MOAP1: variants seen among roughly 807,000 people sequenced by gnomAD.
The protein encoded by MOAP1 is modulator of apoptosis 1, also known as MAP1.
For missense variants in MOAP1, 385 were observed against 418.6 expected (o/e 0.92, Z 0.70); for synonymous variants, 150 against 161.0 (o/e 0.93, Z 0.52).
In MOAP1 at chr14:93,183,297, C is replaced by T. The variant is rs755544953; in HGVS notation, c.946G>A (p.Asp316Asn). Residue 316 changes from aspartate (D) to asparagine (N), a missense_variant, in exon 3 of 3, where the codon GAT (aspartate) becomes AAT (asparagine). Asp to Asn is a conservative substitution (Grantham distance 23). Transcript: ENST00000298894. Reference protein sequence around the residue: ...TIRRELNLPEDGPAPGFLQLL... With the variant: ...TIRRELNLPENGPAPGFLQLL... Reference sequence around the variant, plus strand: ...TGCAAGAAACCAGGGGCTGGGCCATCCTCTGGCAGATTAAGCTCTCTGCGA... The same window carrying T: ...TGCAAGAAACCAGGGGCTGGGCCATTCTCTGGCAGATTAAGCTCTCTGCGA... 92 of 1,614,048 alleles carry T rather than the reference C, an allele frequency of 5.7e-5. No individual in the cohort carries two copies. The highest frequency in any genetic ancestry group is 2.2e-5 in the East Asian group (1 of 44,898).
In MOAP1 at chr14:93,184,238, G is replaced by A. The variant is rs1474907022; in HGVS notation, c.5C>T (p.Thr2Ile). The A allele has an allele frequency of 1.3e-6, 2 of 1,578,170 alleles. No individual in the cohort carries two copies. The highest frequency in any genetic ancestry group is 4.5e-5 in the East Asian group (2 of 44,562). ...GCACCAGTCTTCTAAAAGCCTCAAA[G>A]TCATGGTGCCCGAAATAATAGACTT... The part of the protein sequence containing the change: M[T>I]LRLLEDWCRG... The change falls in exon 3 of 3, where the codon ACT (threonine) becomes ATT (isoleucine). Residue 2 changes from threonine (T) to isoleucine (I), a missense_variant. Thr to Ile is a moderately conservative substitution (Grantham distance 89). Transcript: ENST00000298894. The surrounding 1 kb of genome is among the most constrained non-coding windows in gnomAD (Gnocchi z 4.2).
At position 93,183,743 on chromosome 14, in the gene MOAP1, A is replaced by C. The variant is rs770810720; in HGVS notation, c.500T>G (p.Val167Gly). The change falls in exon 3 of 3, where the codon GTG (valine) becomes GGG (glycine). Residue 167 changes from valine to glycine, a missense_variant. Coordinates refer to ENST00000298894, the MANE Select transcript of MOAP1 (RefSeq NM_022151.5). ...LQCLKYKKLRVFSGRESPEPG... is the reference protein window; with the variant it reads ...LQCLKYKKLRGFSGRESPEPG... ...TTCTGGAGACTCCCTGCCCGAGAAC[A>C]CTCTCAGCTTTTTATACTTCAAGCA... 32 of 1,613,874 alleles carry C rather than the reference A, an allele frequency of 2.0e-5. No individual in the cohort carries two copies. The South Asian group carries it at 3.4e-4, about 17-fold the overall frequency.
Position 93,183,601 on chromosome 14 carries a change from T to G in MOAP1, c.642A>C (p.Ala214=). 6.2e-7 allele frequency: 1 copy of G among 1,614,236 alleles called. No homozygotes were observed. Among genetic ancestry groups the G allele is most frequent in the Non-Finnish European group, 8.5e-7 (1 of 1,180,036 alleles). ...RRLLESLRGP[A]LDVIRVLKIN... The stretch of plus-strand genomic sequence containing the variant: ...TCTTGAGGACACGAATAACATCAAG[T>G]GCTGGGCCTCGAAGGCTCTCTAGCA... Residue 214 remains alanine (A), a synonymous_variant, in exon 3 of 3, where the codon GCA becomes GCC. Transcript: ENST00000298894.
Position 93,184,282 on chromosome 14 carries a change from ACCAC to A in MOAP1, c.-44_-41del. 2 of 1,292,692 alleles carry A rather than the reference ACCAC, an allele frequency of 1.5e-6. No individual in the cohort carries two copies. The highest frequency in any genetic ancestry group is 2.0e-6 in the Non-Finnish European group (2 of 1,011,384). 80.1% of individuals were successfully genotyped at this position (1,292,692 alleles called of 1,614,324 possible). A position where few individuals can be genotyped will look rare whatever the true frequency, so the allele number is the denominator to read the frequency against. ...TAGACTTAAGTTCTAAATATGCCAG[ACCAC>A]AGGCGACCACCGAAATTCAAAGTAA... On this transcript the variant is annotated 5_prime_UTR_variant, in exon 3 of 3. Transcript: ENST00000298894. This position sits in a 1 kb window ranked among gnomAD's most constrained non-coding sequence, Gnocchi z 4.2.
chr14:93,183,219 G>T lies in MOAP1; in HGVS notation c.1024C>A (p.Leu342Ile), dbSNP rs768504596. The change falls in exon 3 of 3, where the codon CTC becomes ATC. Residue 342 changes from leucine to isoleucine, a missense_variant. Physicochemically the swap from Leu to Ile is conservative, Grantham distance 5 (BLOSUM62 2). Coordinates refer to ENST00000298894, the MANE Select transcript of MOAP1 (RefSeq NM_022151.5). ...YEAAEEEEAL[L>I]QAILEGNFT ...AAATTACCTTCCAATATTGCCTGGAGAAGGGCCTCCTCCTCCTCAGCTGCC... is the reference window on the plus strand; with the variant it reads ...AAATTACCTTCCAATATTGCCTGGATAAGGGCCTCCTCCTCCTCAGCTGCC... The T allele has an allele frequency of 6.2e-7, 1 of 1,609,832 alleles. No individual in the cohort carries two copies. The highest frequency in any genetic ancestry group is 1.3e-5 in the African/African-American group (1 of 74,670).
chr14:93,183,749 A>G lies in MOAP1; in HGVS notation c.494T>C (p.Leu165Pro). The change falls in exon 3 of 3, where the codon CTG becomes CCG. Residue 165 changes from leucine (L) to proline (P), a missense_variant. Coordinates refer to ENST00000298894, the MANE Select transcript of MOAP1 (RefSeq NM_022151.5). ...PALQCLKYKK[L>P]RVFSGRESPE... is the part of the protein sequence containing the mutation. ...AGACTCCCTGCCCGAGAACACTCTCAGCTTTTTATACTTCAAGCATTGCAG... is the reference window on the plus strand; with the variant it reads ...AGACTCCCTGCCCGAGAACACTCTCGGCTTTTTATACTTCAAGCATTGCAG... 1 of 1,614,092 alleles carries G rather than the reference A, an allele frequency of 6.2e-7. No homozygotes were observed. Among genetic ancestry groups the G allele is most frequent in the South Asian group, 1.1e-5 (1 of 91,068 alleles).
chr14:93,182,590 G>C lies in MOAP1; in HGVS notation c.*597C>G, dbSNP rs1238810097. ...CACCCAAGCCTTGTCTGTCCCCTCA[G>C]AGCACTGCACACAGATAGTGAAAGA... On this transcript the variant is annotated 3_prime_UTR_variant, in exon 3 of 3. Coordinates refer to ENST00000298894, the MANE Select transcript of MOAP1 (RefSeq NM_022151.5). The C allele has an allele frequency of 6.5e-6, 1 of 153,346 alleles. No individual in the cohort carries two copies. The highest frequency in any genetic ancestry group is 2.4e-5 in the African/African-American group (1 of 41,422). 9.5% of individuals were successfully genotyped at this position (153,346 alleles called of 1,614,324 possible). A position where few individuals can be genotyped will look rare whatever the true frequency, so the allele number is the denominator to read the frequency against.
At position 93,183,231 on chromosome 14, in the gene MOAP1, C is replaced by G. The variant is rs766496953; in HGVS notation, c.1012G>C (p.Glu338Gln). ...LIKDYEAAEE[E>Q]EALLQAILEG... Reference sequence around the variant, plus strand: ...AATATTGCCTGGAGAAGGGCCTCCTCCTCCTCAGCTGCCTCATAATCCTTT... The same window carrying G: ...AATATTGCCTGGAGAAGGGCCTCCTGCTCCTCAGCTGCCTCATAATCCTTT... The change falls in exon 3 of 3, where the codon GAG becomes CAG. Residue 338 changes from glutamate (E) to glutamine (Q), a missense_variant. Transcript: ENST00000298894. 5 of 1,612,438 alleles carry G rather than the reference C, an allele frequency of 3.1e-6. No individual in the cohort carries two copies. The East Asian group carries it at 1.1e-4, about 36-fold the overall frequency.
In MOAP1 at chr14:93,183,169, T is replaced by G. The variant is rs1893963331; in HGVS notation, c.*18A>C. On this transcript the variant is annotated 3_prime_UTR_variant, in exon 3 of 3. Coordinates refer to ENST00000298894, the MANE Select transcript of MOAP1 (RefSeq NM_022151.5). ...CATGCTCTACTCATTGCCATATCCC[T>G]TCGTGGTTCCCTGAGACTCAGGTGA... is the stretch of plus-strand genomic sequence containing the variant. 1.9e-6 allele frequency: 3 copies of G among 1,583,348 alleles called. No individual in the cohort carries two copies. The highest frequency in any genetic ancestry group is 2.6e-6 in the Non-Finnish European group (3 of 1,165,320).
Position 93,183,760 on chromosome 14 carries a change from C to T in MOAP1, c.483G>A (p.Lys161=). The T allele has an allele frequency of 1.2e-6, 2 of 1,614,154 alleles. No individual in the cohort carries two copies. Among genetic ancestry groups the T allele is most frequent in the Middle Eastern group, 1.6e-4 (1 of 6,062 alleles). ...CCGAGAACACTCTCAGCTTTTTATA[C>T]TTCAAGCATTGCAGGGCAGGCTGAA... The part of the protein sequence containing the change: ...EALQPALQCL[K]YKKLRVFSGR... The change falls in exon 3 of 3, where the codon AAG becomes AAA. Residue 161 remains lysine (K), a synonymous_variant. Coordinates refer to ENST00000298894, the MANE Select transcript of MOAP1 (RefSeq NM_022151.5).
In MOAP1 at chr14:93,183,274, C is replaced by A. The variant is rs1382458203; in HGVS notation, c.969G>T (p.Leu323Phe). ...AATCCTTTATTAGTACCAATAACTGCAAGAAACCAGGGGCTGGGCCATCCT... is the reference window on the plus strand; with the variant it reads ...AATCCTTTATTAGTACCAATAACTGAAAGAAACCAGGGGCTGGGCCATCCT... ...LPEDGPAPGF[L>F]QLLVLIKDYE... is the part of the protein sequence containing the mutation. The change falls in exon 3 of 3, where the codon TTG becomes TTT. Residue 323 changes from leucine (L) to phenylalanine (F), a missense_variant. Transcript: ENST00000298894. The A allele has an allele frequency of 6.2e-7, 1 of 1,614,042 alleles. No individual in the cohort carries two copies. Among genetic ancestry groups the A allele is most frequent in the Non-Finnish European group, 8.5e-7 (1 of 1,180,042 alleles).
Position 93,184,155 on chromosome 14 carries a change from A to T in MOAP1, c.88T>A (p.Cys30Ser). ...GCCTCCTCGATTTCTGCCACACTGC[A>T]GCTCTGGGAGATGCCGGCAATCAAT... ...ALLIAGISQS[C>S]SVAEIEEALQ... The change falls in exon 3 of 3, where the codon TGC (cysteine) becomes AGC (serine). Residue 30 changes from cysteine to serine, a missense_variant. Transcript: ENST00000298894. This position sits in a 1 kb window ranked among gnomAD's most constrained non-coding sequence, Gnocchi z 4.2. 1 of 1,614,102 alleles carries T rather than the reference A, an allele frequency of 6.2e-7. No individual in the cohort carries two copies.
rs750292036 is a variant in MOAP1, at chr14:93,184,025, G to C, written c.218C>G (p.Thr73Ser). The change falls in exon 3 of 3, where the codon ACT becomes AGT. Residue 73 changes from threonine to serine, a missense_variant. Coordinates refer to ENST00000298894, the MANE Select transcript of MOAP1 (RefSeq NM_022151.5). This position sits in a 1 kb window ranked among gnomAD's most constrained non-coding sequence, Gnocchi z 4.2. ...KVALVGLTAETSHALVPKEIP... is the reference protein window; with the variant it reads ...KVALVGLTAESSHALVPKEIP... ...CTCCTTAGGGACCAGGGCGTGACTA[G>C]TCTCCGCAGTAAGCCCTACTAAGGC... 1.9e-6 allele frequency: 3 copies of C among 1,613,996 alleles called. No individual in the cohort carries two copies. Among genetic ancestry groups the C allele is most frequent in the South Asian group, 1.1e-5 (1 of 91,070 alleles).
rs35855685 is a variant in MOAP1, at chr14:93,183,645, C to T, written c.598G>A (p.Val200Ile). ...TCTAGCAATCGCCTTCTCTTCTCTA[C>T]ATCTGGCACCTGCCACGCCTTTATC... ...QMIKAWQVPD[V>I]EKRRRLLESL... Residue 200 changes from valine to isoleucine, a missense_variant, in exon 3 of 3, where the codon GTA becomes ATA. Val to Ile is a conservative substitution (Grantham distance 29, BLOSUM62 3). Coordinates refer to ENST00000298894, the MANE Select transcript of MOAP1 (RefSeq NM_022151.5). The T allele has an allele frequency of 3.0e-3, 4,920 of 1,614,194 alleles. 11 individuals carry two copies. The highest frequency in any genetic ancestry group is 3.4e-3 in the Non-Finnish European group (3,993 of 1,180,026).
chr14:93,182,888 C>A lies in MOAP1; in HGVS notation c.*299G>T, dbSNP rs1893957412. The stretch of plus-strand genomic sequence containing the variant: ...GAGGATGCAGTGAGCCAAGATCACG[C>A]CACTGCACTCCAGCCTGGGTGACAG... On this transcript the variant is annotated 3_prime_UTR_variant, in exon 3 of 3. Transcript: ENST00000298894. 2.9e-6 allele frequency: 1 copy of A among 342,700 alleles called. No homozygotes were observed. The highest frequency in any genetic ancestry group is 4.4e-5 in the Admixed American group (1 of 22,548). 21.2% of individuals were successfully genotyped at this position (342,700 alleles called of 1,614,324 possible). A position where few individuals can be genotyped will look rare whatever the true frequency, so the allele number is the denominator to read the frequency against.
rs199661438 is a variant in MOAP1 at position 93,183,335 on chromosome 14, A to C, written c.908T>G (p.Val303Gly). The change falls in exon 3 of 3, where the codon GTC (valine) becomes GGC (glycine). Residue 303 changes from valine (V) to glycine (G), a missense_variant. Physicochemically the swap from Val to Gly is moderately radical, Grantham distance 109. Transcript: ENST00000298894. ...AAGCTCTCTGCGAATTGTTTTGTGG[A>C]CTGCCCCAGCAATGACTTGGTCTAG... is the stretch of plus-strand genomic sequence containing the variant. ...ARLDQVIAGA[V>G]HKTIRRELNL... 7 of 1,614,178 alleles carry C rather than the reference A, an allele frequency of 4.3e-6. No individual in the cohort carries two copies. The highest frequency in any genetic ancestry group is 5.9e-6 in the Non-Finnish European group (7 of 1,180,026).
chr14:93,183,299 T>C lies in MOAP1; in HGVS notation c.944A>G (p.Glu315Gly), dbSNP rs1279380224. 2 of 1,614,204 alleles carry C rather than the reference T, an allele frequency of 1.2e-6. No individual in the cohort carries two copies. Among genetic ancestry groups the C allele is most frequent in the South Asian group, 2.2e-5 (2 of 91,088 alleles). ...KTIRRELNLP[E>G]DGPAPGFLQL... ...CAAGAAACCAGGGGCTGGGCCATCC[T>C]CTGGCAGATTAAGCTCTCTGCGAAT... Residue 315 changes from glutamate (E) to glycine (G), a missense_variant, in exon 3 of 3, where the codon GAG becomes GGG. By Grantham distance (98) the Glu-to-Gly change is moderately conservative. Transcript: ENST00000298894.
At position 93,184,896 on chromosome 14, in the gene MOAP1, G is replaced by C. The variant is rs923151380; in HGVS notation, c.-362C>G. The C allele has an allele frequency of 6.6e-6, 1 of 152,212 alleles. No homozygotes were observed. Among genetic ancestry groups the C allele is most frequent in the African/African-American group, 2.4e-5 (1 of 41,396 alleles). The allele number at this position is 152,212 out of a possible 1,614,324, so 9.4% of individuals were successfully genotyped here. ...TTTTGGTCTCGCTCGGGGAAGCTGC[G>C]CGGCGGGCGGGGGCGATCTGACGTC... On this transcript the variant is annotated 5_prime_UTR_variant, in exon 1 of 3. Transcript: ENST00000298894. This position sits in a 1 kb window ranked among gnomAD's most constrained non-coding sequence, Gnocchi z 4.2.
At position 93,183,344 on chromosome 14, in the gene MOAP1, G is replaced by A. The variant is rs1181317874; in HGVS notation, c.899C>T (p.Ala300Val). The change falls in exon 3 of 3, where the codon GCT becomes GTT. Residue 300 changes from alanine (A) to valine (V), a missense_variant. Physicochemically the swap from Ala to Val is moderately conservative, Grantham distance 64. Transcript: ENST00000298894. ...GCGAATTGTTTTGTGGACTGCCCCA[G>A]CAATGACTTGGTCTAGGCGGGCCTG... ...VNQARLDQVIAGAVHKTIRRE... is the reference protein window; with the variant it reads ...VNQARLDQVIVGAVHKTIRRE... 2 of 1,614,118 alleles carry A rather than the reference G, an allele frequency of 1.2e-6. No individual in the cohort carries two copies. The highest frequency in any genetic ancestry group is 2.2e-5 in the South Asian group (2 of 91,090).
Sources: allele counts gnomAD v4.1 joint callset, GRCh38; gene constraint gnomAD v4.1.1; non-coding constraint Gnocchi (gnomAD v3.1); transcripts MANE v1.5; gene names NCBI Gene and HGNC (gene_info 2026-07-23, HGNC 2026-07-21).